RSRC1: variants seen among roughly 807,000 people sequenced by gnomAD.
RSRC1 encodes serine/Arginine-related protein 53.
RSRC1 carries 39 observed loss-of-function variants against 49.1 expected under a neutral mutation model. The ratio of observed to expected loss-of-function variants is 0.79; its 90% CI spans 0.61 to 1.04. The LOEUF is 1.04. Ranked by LOEUF, RSRC1 falls within the 50% of genes least tolerant of loss-of-function variation. RSRC1 has a pLI of 0.00. For synonymous variants in RSRC1, 143 were observed against 130.8 expected (o/e 1.09, Z -0.63); for missense variants, 388 against 402.4 (o/e 0.96, Z 0.31).
At chr3:158,131,413 G>A (rs1716016741) in intron 3 of RSRC1, among the ~76,000 whole-genome samples, 1 of 151,898 alleles carries the variant, frequency 6.6e-6, no homozygotes, top group Admixed American at 6.6e-5. Context: ...GACTTTGTTA[G>A]TCATTTCTAT....
At chr3:158,410,177 A>G (rs1411042504) in intron 6 of RSRC1, among the ~76,000 whole-genome samples, 3 of 152,122 alleles carry the variant, frequency 2.0e-5, no homozygotes, top group Admixed American at 6.6e-5. Context: ...GTTGTTACCT[A>G]CTGGAATTCT....
chr3:158,420,049 G>A (rs1734956027), intron 6 of RSRC1, among the ~76,000 whole-genome samples: 1 of 151,524 alleles, frequency 6.6e-6, no homozygotes, highest in Admixed American at 6.6e-5. Flanking sequence ...CCTCCTCATA[G>A]GCAGGCTCAC....
chr3:158,226,038 C>T (rs55638807), intron 4 of RSRC1, among the ~76,000 whole-genome samples: 18,322 of 151,812 alleles, frequency 0.12, 1,370 homozygotes, highest in Middle Eastern at 0.2. Context: ...AGTGTTGGTA[C>T]CTCAAGGGCT....
chr3:158,315,230 T>G (rs1261853856), intron 5 of RSRC1, among the ~76,000 whole-genome samples: 1 of 152,134 alleles, frequency 6.6e-6, no homozygotes, highest in Non-Finnish European at 1.5e-5. Flanking sequence ...CATGCACATA[T>G]ATGCACACAC....
At chr3:158,134,111 A>G (rs1716212716) in intron 3 of RSRC1, among the ~76,000 whole-genome samples, 1 of 16,748 alleles carries the variant, frequency 6.0e-5, no homozygotes, top group South Asian at 1.2e-3. Flanking sequence ...TAATAATATC[A>G]GCCTGAAAAT....
chr3:158,110,642 C>T (rs1230951802), intron 1 of RSRC1: 1 of 152,482 alleles, frequency 6.6e-6, no homozygotes, highest in African/African-American at 2.4e-5. Flanking sequence ...TTCTGGTGCC[C>T]TCTATCCCAT....
intron 4 of RSRC1, among the ~76,000 whole-genome samples, chr3:158,277,398 A>G (rs1461564143): frequency 3.3e-5 from 5 of 152,330 alleles, no homozygotes; most frequent in Admixed American, 3.3e-4. Flanking sequence ...AGGCATTTAT[A>G]AAATTCTGTT....
At chr3:158,155,580 C>T (rs531302964) in intron 3 of RSRC1, among the ~76,000 whole-genome samples, 3 of 150,476 alleles carry the variant, frequency 2.0e-5, no homozygotes, top group South Asian at 2.1e-4. Flanking sequence ...TACAGGAATG[C>T]ACCACCAAGC....
intron 6 of RSRC1, among the ~76,000 whole-genome samples, chr3:158,441,555 A>G (rs1429777024): frequency 6.6e-6 from 1 of 152,092 alleles, no homozygotes; most frequent in Admixed American, 6.6e-5. Flanking sequence ...TTAACAGATA[A>G]TCTCTCCAAT....
At chr3:158,188,751 TG>T (rs918344805) in intron 3 of RSRC1, among the ~76,000 whole-genome samples, 19 of 151,952 alleles carry the variant, frequency 1.3e-4, no homozygotes, top group African/African-American at 4.6e-4. Context: ...ATCATTTCCA[TG>T]AAGAGTTTAT....
chr3:158,401,728 G>A (rs529881393), intron 6 of RSRC1, among the ~76,000 whole-genome samples: 5 of 152,042 alleles, frequency 3.3e-5, no homozygotes, highest in Non-Finnish European at 7.4e-5. Flanking sequence ...TTTTAAAATT[G>A]TATATAATAA....
intron 3 of RSRC1, among the ~76,000 whole-genome samples, chr3:158,185,257 T>C (rs1719859622): frequency 6.6e-6 from 1 of 151,982 alleles, no homozygotes; most frequent in Non-Finnish European, 1.5e-5. Flanking sequence ...ACTATTTATT[T>C]GGCTAGGTGA....
intron 6 of RSRC1, among the ~76,000 whole-genome samples, chr3:158,382,118 A>G (rs570112227): frequency 5.3e-5 from 8 of 152,280 alleles, no homozygotes; most frequent in Non-Finnish European, 1.0e-4. Flanking sequence ...CTGAGATACA[A>G]ACATGCACAT....
chr3:158,155,476 C>T (rs1367610929), intron 3 of RSRC1, among the ~76,000 whole-genome samples: 3 of 151,926 alleles, frequency 2.0e-5, no homozygotes, highest in Non-Finnish European at 4.4e-5. Context: ...ACTTTGTCAC[C>T]CAGGCTCTAG....
Position 158,146,429 on chromosome 3 carries a change from G to A in RSRC1, c.320+22438G>A, listed in dbSNP as rs555337611. ...TGGTTCTGTTTATATGCTGGATTAC[G>A]TTTATTGATTTGCGTATGTTGAACC... On this transcript the variant is annotated intron_variant, in intron 3 of 9. Coordinates refer to ENST00000611884, the MANE Select transcript of RSRC1 (RefSeq NM_001271838.2). Among the ~76,000 whole-genome samples, 52 of 152,188 alleles carry A rather than the reference G, an allele frequency of 3.4e-4. No individual in the cohort carries two copies. The South Asian group carries it at 4.8e-3, about 14-fold the overall frequency.
intron 5 of RSRC1, among the ~76,000 whole-genome samples, chr3:158,299,582 C>T (rs938679271): frequency 1.6e-4 from 24 of 152,008 alleles, no homozygotes; most frequent in African/African-American, 4.8e-4. Context: ...GTGATCCACC[C>T]GCCTCAGCCT....
intron 3 of RSRC1, among the ~76,000 whole-genome samples, chr3:158,154,324 G>A (rs1388549371): frequency 6.6e-6 from 1 of 152,138 alleles, no homozygotes; most frequent in Non-Finnish European, 1.5e-5. Flanking sequence ...ACTGATCATG[G>A]TGGCGGTTGC....
Position 158,163,537 on chromosome 3 carries a change from C to T in RSRC1, c.321-39535C>T, listed in dbSNP as rs149291282. On this transcript the variant is annotated intron_variant, in intron 3 of 9. Coordinates refer to ENST00000611884, the MANE Select transcript of RSRC1 (RefSeq NM_001271838.2). ...TTTATATTCATGTCTCTCTGAATTA[C>T]GTACTTTTTTTGTTATAACAGTACA... Among the ~76,000 whole-genome samples, 91 of 152,196 alleles carry T rather than the reference C, an allele frequency of 6.0e-4. No individual in the cohort carries two copies. In the East Asian group the frequency reaches 0.013, roughly 21 times the overall value.
chr3:158,474,376 A>G (rs895351054), intron 7 of RSRC1, among the ~76,000 whole-genome samples: 5 of 152,220 alleles, frequency 3.3e-5, no homozygotes, highest in African/African-American at 1.2e-4. Flanking sequence ...TCATTGCTAA[A>G]AAATGCAAAC....
Sources: gnomAD v4.1 joint callset for allele counts (sites outside exome capture counted in the v4.1 genomes callset) on GRCh38, gnomAD v4.1.1 for gene constraint, MANE v1.5 for transcripts, NCBI Gene and HGNC (gene_info 2026-07-23, HGNC 2026-07-21) for gene names.